UBAP2: variants seen among roughly 807,000 people sequenced by gnomAD.
UBAP2 encodes the protein ubiquitin associated protein 2.
UBAP2 carries 75 observed loss-of-function variants against 139.6 expected under a neutral mutation model. That is an observed-to-expected ratio of 0.54 (90% confidence interval 0.45 to 0.65). The LOEUF (loss-of-function observed/expected upper bound fraction) is 0.65. Among genes scored for constraint, UBAP2 ranks in the 30% least tolerant of loss-of-function variants. The pLI, the probability that UBAP2 is intolerant of heterozygous loss-of-function variation, is 0.00. For synonymous variants in UBAP2, 526 were observed against 526.2 expected, an observed-to-expected ratio of 1.00 and a Z score of 0.01; for missense variants, 1,368 against 1,369.6, an observed-to-expected ratio of 1.00 and a Z score of 0.02.
chr9:33,983,248 C>T (rs1352835248), intron 6 of UBAP2, among the ~76,000 whole-genome samples: 1 of 152,092 alleles, frequency 6.6e-6, no homozygotes. Flanking sequence ...AATCCTTAAA[C>T]ATGTCTCTAA....
In UBAP2 at chr9:33,966,924, T is replaced by G. The variant is rs370877086; in HGVS notation, c.680-3133A>C. On this transcript the variant is annotated intron_variant, in intron 8 of 28. Transcript: ENST00000379238. ...TTTTTAAAAATCAGTGGGGAAAATT[T>G]ACATGAGACGGACCACCGTGAATTA... is the stretch of plus-strand genomic sequence containing the variant. 4.6e-5 allele frequency among the ~76,000 whole-genome samples: 7 copies of G among 152,186 alleles called. No homozygotes were observed. The South Asian group carries it at 1.5e-3, about 32-fold the overall frequency.
intron 12 of UBAP2, among the ~76,000 whole-genome samples, chr9:33,950,598 C>G (rs1175091742): frequency 6.6e-6 from 1 of 152,176 alleles, no homozygotes; most frequent in African/African-American, 2.4e-5. Context: ...GCTCCAGATT[C>G]TTTTTTCAGG....
chr9:33,972,476 T>TA (rs1342044548), intron 7 of UBAP2, among the ~76,000 whole-genome samples: 3 of 152,212 alleles, frequency 2.0e-5, no homozygotes, highest in Admixed American at 6.5e-5. Flanking sequence ...GAGGCACCAC[T>TA]ACTTCTAGAA....
chr9:34,034,734 G>T (rs1826177202), intron 1 of UBAP2, among the ~76,000 whole-genome samples: 1 of 152,070 alleles, frequency 6.6e-6, no homozygotes, highest in Admixed American at 6.6e-5. Context: ...TTAGCCAGGT[G>T]TAGTGGCATG....
At chr9:33,933,775 A>G (rs1824210109) in intron 17 of UBAP2, 147 bp from the exon 18 acceptor site, 12 of 1,054,636 alleles carry the variant, frequency 1.1e-5, no homozygotes, top group South Asian at 3.2e-5. Flanking sequence ...AATGCCAAGC[A>G]TATCGCCAGA....
chr9:33,989,759 T>C (rs1821538354), intron 4 of UBAP2, among the ~76,000 whole-genome samples: 1 of 152,162 alleles, frequency 6.6e-6, no homozygotes, highest in African/African-American at 2.4e-5. Flanking sequence ...CCACCTCACT[T>C]ACCTCTCTAT....
intron 2 of UBAP2, among the ~76,000 whole-genome samples, chr9:34,015,356 T>C (rs919436620): frequency 7.9e-5 from 12 of 152,202 alleles, no homozygotes; most frequent in African/African-American, 2.9e-4. Context: ...TCTCGCTCTG[T>C]TGCCCAGGCT....
At chr9:33,957,078 G>A (rs1353355437) in intron 10 of UBAP2, among the ~76,000 whole-genome samples, 1 of 149,618 alleles carries the variant, frequency 6.7e-6, no homozygotes, top group Non-Finnish European at 1.5e-5. Flanking sequence ...GACAAAGTGA[G>A]ATCCTGCCTC....
rs191041155 is a variant in UBAP2 at position 33,941,563 on chromosome 9, T to C, written c.1929+86A>G. 1.0e-4 allele frequency: 118 copies of C among 1,181,144 alleles called. No individual in the cohort carries two copies. In the African/African-American group the frequency reaches 1.7e-3, roughly 17 times the overall value. 73.2% of individuals were successfully genotyped at this position (1,181,144 alleles called of 1,614,324 possible). On this transcript the variant is annotated intron_variant, in intron 16 of 28. Transcript: ENST00000379238. ...AGGTTAGTCAATTTGTAAAATAAAATCATATCCAAGAAGCATAATTTAACC... is the reference window on the plus strand; with the variant it reads ...AGGTTAGTCAATTTGTAAAATAAAACCATATCCAAGAAGCATAATTTAACC...
chr9:33,988,883 G>A (rs1461758934), intron 5 of UBAP2, 90 bp downstream of exon 5: 1 of 1,416,954 alleles, frequency 7.1e-7, no homozygotes, highest in Non-Finnish European at 9.6e-7. Context: ...AGTGACTCAT[G>A]CCTGTAATCC....
At chr9:33,936,028 CTCTCAT>C in intron 16 of UBAP2, 150 bp from the exon 17 acceptor site, 1 of 962,718 alleles carries the variant, frequency 1.0e-6, no homozygotes, top group Non-Finnish European at 1.5e-6. Context: ...AAACAACAAA[CTCTCAT>C]GCAAGAACAA....
At chr9:34,027,091 C>T (rs1430670916) in intron 1 of UBAP2, among the ~76,000 whole-genome samples, 3 of 152,104 alleles carry the variant, frequency 2.0e-5, no homozygotes, top group East Asian at 1.9e-4. Context: ...TCTGTGTTCC[C>T]GCATTTTCTA....
intron 4 of UBAP2, among the ~76,000 whole-genome samples, chr9:33,992,662 G>A (rs956642293): frequency 1.3e-5 from 2 of 149,630 alleles, no homozygotes; most frequent in African/African-American, 2.4e-5. Context: ...GGGCGGAGGG[G>A]GGGGGGCACA....
At chr9:34,013,910 A>C (rs10971850) in intron 2 of UBAP2, among the ~76,000 whole-genome samples, 12,006 of 152,034 alleles carry the variant, frequency 0.079, 676 homozygotes, top group Non-Finnish European at 0.12. Flanking sequence ...TTGCCAAATA[A>C]AGCCACTTTT....
rs1564049844 is a variant in UBAP2 at position 33,988,971 on chromosome 9, A to G, written c.442+2T>C. 1 of 1,610,518 alleles carries G rather than the reference A, an allele frequency of 6.2e-7. No individual in the cohort carries two copies. The highest frequency in any genetic ancestry group is 8.5e-7 in the Non-Finnish European group (1 of 1,178,882). Reference sequence around the variant, plus strand: ...AAAACTGAGGAGAAAGTCTGTACTTACATTCTCTGCCACGATTGCCGCCTC... The same window carrying G: ...AAAACTGAGGAGAAAGTCTGTACTTGCATTCTCTGCCACGATTGCCGCCTC... On this transcript the variant is annotated splice_donor_variant, in intron 5 of 28. Coordinates refer to ENST00000379238, the MANE Select transcript of UBAP2 (RefSeq NM_001370062.2). LOFTEE classifies it high-confidence loss of function.
intron 1 of UBAP2, among the ~76,000 whole-genome samples, chr9:34,026,726 ATTACT>A (rs1825430260): frequency 6.6e-6 from 1 of 152,182 alleles, no homozygotes; most frequent in Non-Finnish European, 1.5e-5. Context: ...TAGAGTACAC[ATTACT>A]TTACTCCCAT....
At chr9:33,926,940 C>T in intron 21 of UBAP2, 49 bp downstream of exon 21, 1 of 1,589,442 alleles carries the variant, frequency 6.3e-7, no homozygotes, top group Non-Finnish European at 8.6e-7. Flanking sequence ...GGTGCCAGCC[C>T]CCGAGGCCAG....
chr9:34,046,427 G>C (rs998960142), intron 1 of UBAP2, among the ~76,000 whole-genome samples: 1 of 151,812 alleles, frequency 6.6e-6, no homozygotes, highest in Non-Finnish European at 1.5e-5. Flanking sequence ...GCGGATCACG[G>C]GGTCAGGAGA....
intron 6 of UBAP2, among the ~76,000 whole-genome samples, chr9:33,975,184 C>T (rs900507442): frequency 4.6e-5 from 7 of 152,094 alleles, no homozygotes; most frequent in African/African-American, 1.7e-4. Flanking sequence ...GTAATCCCAG[C>T]ACTTTGGGAG....
Sources: allele counts gnomAD v4.1 joint callset (sites outside exome capture counted in the v4.1 genomes callset), GRCh38; gene constraint gnomAD v4.1.1; transcripts MANE v1.5; gene names NCBI Gene and HGNC (gene_info 2026-07-23, HGNC 2026-07-21).